Variants in SCUBE3 observed in about 807,000 individuals in gnomAD.
SCUBE3 encodes the protein signal peptide, CUB and EGF-like domain-containing protein 3.
SCUBE3 carries 33 observed loss-of-function variants against 116.8 expected under a neutral mutation model. The ratio of observed to expected loss-of-function variants is 0.28; its 90% CI spans 0.21 to 0.38. The LOEUF is 0.38. SCUBE3 is among the 10% of genes least tolerant of loss of function. The probability of loss-of-function intolerance (pLI) is 1.00; values close to 1 mark genes in which losing one functional copy is unlikely to be tolerated. For missense variants in SCUBE3, 1,007 were observed against 1,324.8 expected (o/e 0.76, Z 3.72); for synonymous variants, 418 against 496.9 (o/e 0.84, Z 2.11).
At chr6:35,234,860 G>C (rs1358405442) in intron 6 of SCUBE3, among the ~76,000 whole-genome samples, 2 of 152,192 alleles carry the variant, frequency 1.3e-5, no homozygotes, top group Non-Finnish European at 2.9e-5. Context: ...TCCACCACTG[G>C]GCTGTGGCCA....
chr6:35,244,699 T>C lies in SCUBE3; in HGVS notation c.2289T>C (p.Ile763=). The change falls in exon 18 of 22, where the codon ATT becomes ATC. Residue 763 remains isoleucine, a synonymous_variant. Transcript: ENST00000274938. The surrounding 1 kb of genome is among the most constrained non-coding windows in gnomAD (Gnocchi z 4.3). ...ACAACACCAGCATCCACCGCTGTATTCGCTGTGCCATGGGCTCCTATCAGC... is the reference window on the plus strand; with the variant it reads ...ACAACACCAGCATCCACCGCTGTATCCGCTGTGCCATGGGCTCCTATCAGC... ...HYYNTSIHRC[I]RCAMGSYQPD... 6.2e-7 allele frequency: 1 copy of C among 1,614,174 alleles called. No homozygotes were observed. Among genetic ancestry groups the C allele is most frequent in the South Asian group, 1.1e-5 (1 of 91,084 alleles).
rs149934207 is a variant in SCUBE3, at chr6:35,240,445, C to A, written c.1024C>A (p.Leu342Ile). ...CAACACACCAGGAAGCTTCCAGTGT[C>A]TCTGCCATCGTGGCTACCTGTTGTA... ...CVNTPGSFQC[L>I]CHRGYLLYGI... is the part of the protein sequence containing the mutation. The change falls in exon 9 of 22, where the codon CTC becomes ATC. Residue 342 changes from leucine to isoleucine, a missense_variant. Transcript: ENST00000274938. The surrounding 1 kb of genome is among the most constrained non-coding windows in gnomAD (Gnocchi z 4.6). 14 of 1,610,362 alleles carry A rather than the reference C, an allele frequency of 8.7e-6. No homozygotes were observed. The highest frequency in any genetic ancestry group is 1.6e-4 in the Middle Eastern group (1 of 6,074).
chr6:35,241,881 G>A lies in SCUBE3; in HGVS notation c.1388G>A (p.Gly463Glu). ...RAAPARAGHN[G>E]NSTNSNHCHE... The stretch of plus-strand genomic sequence containing the variant: ...GCTCCAGCCCGAGCTGGCCACAATG[G>A]GAACAGCACCAACTCCAACCACTGC... Residue 463 changes from glycine (G) to glutamate (E), a missense_variant, in exon 12 of 22, where the codon GGG becomes GAG. By Grantham distance (98) the Gly-to-Glu change is moderately conservative. Coordinates refer to ENST00000274938, the MANE Select transcript of SCUBE3 (RefSeq NM_152753.4). The surrounding 1 kb of genome is among the most constrained non-coding windows in gnomAD (Gnocchi z 4.1). The A allele has an allele frequency of 6.2e-7, 1 of 1,610,800 alleles. No individual in the cohort carries two copies. Among genetic ancestry groups the A allele is most frequent in the South Asian group, 1.1e-5 (1 of 91,074 alleles).
chr6:35,222,627 G>C (rs2150286594), intron 1 of SCUBE3: 1 of 152,402 alleles, frequency 6.6e-6, no homozygotes. Context: ...GCCTGAAGTA[G>C]GAGTGGGATC....
rs1209023748 is a variant in SCUBE3, at chr6:35,244,134, A to T, written c.2239+4A>T. 6.2e-7 allele frequency: 1 copy of T among 1,612,254 alleles called. No homozygotes were observed. Among genetic ancestry groups the T allele is most frequent in the Non-Finnish European group, 8.5e-7 (1 of 1,178,984 alleles). On this transcript the variant is annotated splice_donor_region_variant and intron_variant, in intron 17 of 21. Transcript: ENST00000274938. This position sits in a 1 kb window ranked among gnomAD's most constrained non-coding sequence, Gnocchi z 4.3. Reference sequence around the variant, plus strand: ...TTCCAAGACTGTGACACCAAAGGTGAGTAAGCTACTCACCTCCCTGGGGGA... The same window carrying T: ...TTCCAAGACTGTGACACCAAAGGTGTGTAAGCTACTCACCTCCCTGGGGGA...
At position 35,241,178 on chromosome 6, in the gene SCUBE3, C is replaced by G. The variant is rs1383266154; in HGVS notation, c.1107C>G (p.Arg369=). 1 of 1,604,914 alleles carries G rather than the reference C, an allele frequency of 6.2e-7. No homozygotes were observed. The highest frequency in any genetic ancestry group is 1.7e-5 in the Admixed American group (1 of 59,830). ...DECSINRGGC[R]FGCINTPGSY... ...GCAGCATCAACCGGGGAGGTTGCCG[C>G]TTTGGCTGCATCAACACTCCTGGCA... The change falls in exon 10 of 22, where the codon CGC becomes CGG. Residue 369 remains arginine (R), a synonymous_variant. Coordinates refer to ENST00000274938, the MANE Select transcript of SCUBE3 (RefSeq NM_152753.4). This position sits in a 1 kb window ranked among gnomAD's most constrained non-coding sequence, Gnocchi z 4.1.
At chr6:35,216,871 G>A (rs2150279528) in intron 1 of SCUBE3, among the ~76,000 whole-genome samples, 1 of 152,250 alleles carries the variant, frequency 6.6e-6, no homozygotes, top group East Asian at 1.9e-4. Flanking sequence ...TGTGGAAGGG[G>A]GGAAAGGGGG....
Position 35,239,747 on chromosome 6 carries a change from T to C in SCUBE3, c.830-5T>C, listed in dbSNP as rs1783952096. The C allele has an allele frequency of 1.2e-6, 2 of 1,611,022 alleles. No individual in the cohort carries two copies. Among genetic ancestry groups the C allele is most frequent in the African/African-American group, 2.7e-5 (2 of 74,700 alleles). Reference sequence around the variant, plus strand: ...CTTTTATCCTGTTTTGTCCTCCTTCTTCAGATATAGATGAGTGCCGCTTAA... The same window carrying C: ...CTTTTATCCTGTTTTGTCCTCCTTCCTCAGATATAGATGAGTGCCGCTTAA... On this transcript the variant is annotated splice_polypyrimidine_tract_variant and splice_region_variant and intron_variant, in intron 7 of 21. Transcript: ENST00000274938. This position sits in a 1 kb window ranked among gnomAD's most constrained non-coding sequence, Gnocchi z 4.1.
chr6:35,227,731 G>C (rs780467639), intron 2 of SCUBE3, 29 bp downstream of exon 2: 6 of 1,613,212 alleles, frequency 3.7e-6, no homozygotes, highest in Non-Finnish European at 3.4e-6. Context: ...CTGGAGGAGA[G>C]GGACCTGTGG....
chr6:35,230,612 G>A (rs892397037), intron 3 of SCUBE3, among the ~76,000 whole-genome samples: 2 of 152,196 alleles, frequency 1.3e-5, no homozygotes, highest in Non-Finnish European at 2.9e-5. Flanking sequence ...CAGGGATGGG[G>A]AGAAGTCAAG....
intron 7 of SCUBE3, among the ~76,000 whole-genome samples, chr6:35,238,898 G>A (rs1783899809): frequency 6.6e-6 from 1 of 152,070 alleles, no homozygotes; most frequent in Admixed American, 6.5e-5. Flanking sequence ...GAGAGGAGGG[G>A]GGAGGCTAGG....
rs954913209 is a variant in SCUBE3 at position 35,242,485 on chromosome 6, T to A, written c.1535-137T>A. ...CCAAGGAAGTCCCAGAATATTCCCC[T>A]CCACCAACTAATTAGGACCCTAGAC... On this transcript the variant is annotated intron_variant, in intron 13 of 21. Transcript: ENST00000274938. 1.2e-4 allele frequency: 110 copies of A among 932,930 alleles called. 1 individual carries two copies. The highest frequency in any genetic ancestry group is 1.0e-5 in the Non-Finnish European group (6 of 594,198). The allele number at this position is 932,930 out of a possible 1,614,324, so 57.8% of individuals were successfully genotyped here. A position where few individuals can be genotyped will look rare whatever the true frequency, so the allele number is the denominator to read the frequency against.
At chr6:35,216,137 G>T (rs899661095) in intron 1 of SCUBE3, among the ~76,000 whole-genome samples, 1 of 152,206 alleles carries the variant, frequency 6.6e-6, no homozygotes. Flanking sequence ...CAGTGTATTC[G>T]AGGGGGGCCC....
rs1784192458 is a variant in SCUBE3 at position 35,243,700 on chromosome 6, C to G, written c.2016C>G (p.Cys672Trp). ...EREGQLSCDLCPGSDAHGPLG... is the reference protein window; with the variant it reads ...EREGQLSCDLWPGSDAHGPLG... ...AAGGGCAGCTCTCCTGCGACCTTTG[C>G]CCTGGGAGTGATGCCCACGGGCCTC... Residue 672 changes from cysteine to tryptophan, a missense_variant, in exon 16 of 22, where the codon TGC becomes TGG. Cys to Trp is a radical substitution (Grantham distance 215). This residue lies in a region of SCUBE3 where 544 missense variants were observed against 638.9 expected (regional missense o/e 0.85). Coordinates refer to ENST00000274938, the MANE Select transcript of SCUBE3 (RefSeq NM_152753.4). The surrounding 1 kb of genome is among the most constrained non-coding windows in gnomAD (Gnocchi z 6.6). 1 of 1,614,116 alleles carries G rather than the reference C, an allele frequency of 6.2e-7. No homozygotes were observed.
In SCUBE3 at chr6:35,248,570, C is replaced by T. The variant is rs759952106; in HGVS notation, c.2847C>T (p.Ile949=). The change falls in exon 22 of 22, where the codon ATC becomes ATT. Residue 949 remains isoleucine, a synonymous_variant. Transcript: ENST00000274938. ...HQEILKDKKL[I]KAFFEVLAHP... ...ATCCTTTGCAGGACAAGAAGCTCAT[C>T]AAGGCCTTCTTTGAGGTGCTAGCCC... 1 of 1,614,094 alleles carries T rather than the reference C, an allele frequency of 6.2e-7. No homozygotes were observed. The highest frequency in any genetic ancestry group is 8.5e-7 in the Non-Finnish European group (1 of 1,179,960).
rs886912865 is a variant in SCUBE3 at position 35,239,202 on chromosome 6, T to G, written c.830-550T>G. Among the ~76,000 whole-genome samples, 13 of 150,058 alleles carry G rather than the reference T, an allele frequency of 8.7e-5. No individual in the cohort carries two copies. The highest frequency in any genetic ancestry group is 5.9e-5 in the Non-Finnish European group (4 of 67,608). On this transcript the variant is annotated intron_variant, in intron 7 of 21. Coordinates refer to ENST00000274938, the MANE Select transcript of SCUBE3 (RefSeq NM_152753.4). The surrounding 1 kb of genome is among the most constrained non-coding windows in gnomAD (Gnocchi z 4.1). The stretch of plus-strand genomic sequence containing the variant: ...GCCCTCCCCCATCAGCTACCCAGCC[T>G]CACTGGCTCTCCTGGAGGTCCTCCC...
Position 35,251,053 on chromosome 6 carries a change from C to G in SCUBE3, c.*2348C>G, listed in dbSNP as rs978660452. ...GGAAATGGTCATTTAGTATGAGTGT[C>G]TCTGTACTTCCCAGGAAGCACCATG... On this transcript the variant is annotated 3_prime_UTR_variant, in exon 22 of 22. Transcript: ENST00000274938. The G allele has an allele frequency of 1.3e-5, 2 of 152,000 alleles. No homozygotes were observed. The highest frequency in any genetic ancestry group is 1.3e-4 in the Admixed American group (2 of 15,262). The allele number at this position is 152,000 out of a possible 1,614,324, so 9.4% of individuals were successfully genotyped here. A position where few individuals can be genotyped will look rare whatever the true frequency, so the allele number is the denominator to read the frequency against.
In SCUBE3 at chr6:35,241,163, C is replaced by T. The variant is rs1246800361; in HGVS notation, c.1092C>T (p.Asn364=). 4 of 1,601,872 alleles carry T rather than the reference C, an allele frequency of 2.5e-6. No homozygotes were observed. Among genetic ancestry groups the T allele is most frequent in the Non-Finnish European group, 3.4e-6 (4 of 1,169,894 alleles). Residue 364 remains asparagine (N), a synonymous_variant, in exon 10 of 22, where the codon AAC becomes AAT. Transcript: ENST00000274938. This position sits in a 1 kb window ranked among gnomAD's most constrained non-coding sequence, Gnocchi z 4.1. ...CAGATGTGGATGAATGCAGCATCAA[C>T]CGGGGAGGTTGCCGCTTTGGCTGCA... is the stretch of plus-strand genomic sequence containing the variant. ...HCGDVDECSI[N]RGGCRFGCIN...
At chr6:35,242,152 C>A in intron 12 of SCUBE3, 52 bp from the exon 13 acceptor site, 3 of 1,358,718 alleles carry the variant, frequency 2.2e-6, no homozygotes, top group South Asian at 1.2e-5. Context: ...CTACGGCACC[C>A]CCGACCTCCA....
Sources: allele counts gnomAD v4.1 joint callset (sites outside exome capture counted in the v4.1 genomes callset), GRCh38; gene constraint gnomAD v4.1.1; regional missense constraint gnomAD v4.1.1; non-coding constraint Gnocchi (gnomAD v3.1); transcripts MANE v1.5; gene names NCBI Gene and HGNC (gene_info 2026-07-23, HGNC 2026-07-21).